Variants in HIRA observed in about 807,000 individuals in gnomAD.
HIRA encodes histone cell cycle regulator.
A neutral mutation model predicts 126.6 loss-of-function variants in HIRA; 13 were observed. That is an observed-to-expected ratio of 0.10 (90% CI 0.07 to 0.16). The LOEUF is 0.16. Ranked by LOEUF, HIRA falls within the 10% of genes least tolerant of loss-of-function variation. The probability of loss-of-function intolerance (pLI) is 1.00; values close to 1 mark genes in which losing one functional copy is unlikely to be tolerated. For missense variants in HIRA, 834 were observed against 1,314.4 expected (o/e 0.63, Z 5.65); for synonymous variants, 511 against 520.0 (o/e 0.98, Z 0.24).
At chr22:19,420,483 C>CAAAA (rs2089437430) in intron 1 of HIRA, among the ~76,000 whole-genome samples, 1 of 119,416 alleles carries the variant, frequency 8.4e-6, no homozygotes, top group Non-Finnish European at 1.7e-5. Flanking sequence ...AAAAAAAAAC[C>CAAAA]AAACCAAAAC....
intron 23 of HIRA, among the ~76,000 whole-genome samples, chr22:19,352,752 A>C (rs781841333): frequency 6.6e-6 from 1 of 152,224 alleles, no homozygotes; most frequent in Non-Finnish European, 1.5e-5. Flanking sequence ...GCACAGAGAG[A>C]GCTCTGGGAG....
At chr22:19,375,426 C>T (rs2089008702) in intron 15 of HIRA, among the ~76,000 whole-genome samples, 1 of 152,214 alleles carries the variant, frequency 6.6e-6, no homozygotes, top group Admixed American at 6.5e-5. Context: ...CCCATGACTC[C>T]TTCCAGCCAC....
At chr22:19,418,892 G>A (rs2089421225) in intron 1 of HIRA, among the ~76,000 whole-genome samples, 1 of 151,216 alleles carries the variant, frequency 6.6e-6, no homozygotes, top group African/African-American at 2.4e-5. Context: ...CATACAATTC[G>A]GTGTGAATCT....
At chr22:19,422,193 C>CACACACACACACACAT (rs147313860) in intron 1 of HIRA, among the ~76,000 whole-genome samples, 2 of 145,626 alleles carry the variant, frequency 1.4e-5, no homozygotes, top group South Asian at 2.1e-4. Flanking sequence ...CACACACACA[C>CACACACACACACACAT]ATACACATAT....
chr22:19,373,624 T>A (rs2088988318), intron 15 of HIRA, among the ~76,000 whole-genome samples: 1 of 152,216 alleles, frequency 6.6e-6, no homozygotes. Context: ...AGTATTAAAC[T>A]GGCCCTGAAT....
At chr22:19,373,640 T>C (rs573343468) in intron 15 of HIRA, among the ~76,000 whole-genome samples, 2 of 152,230 alleles carry the variant, frequency 1.3e-5, no homozygotes, top group Non-Finnish European at 2.9e-5. Flanking sequence ...TGAATCCACA[T>C]GAGGGCAGAC....
intron 5 of HIRA, among the ~76,000 whole-genome samples, chr22:19,400,561 T>C (rs956572567): frequency 2.0e-5 from 3 of 152,236 alleles, no homozygotes; most frequent in African/African-American, 7.2e-5. Context: ...TTAGAATCAC[T>C]GCTGAGTAAA....
chr22:19,353,912 T>C, intron 22 of HIRA, 84 bp downstream of exon 22: 1 of 1,507,520 alleles, frequency 6.6e-7, no homozygotes, highest in Non-Finnish European at 9.0e-7. Context: ...AGACCAGGCC[T>C]GGGCAGGGAC....
Position 19,372,091 on chromosome 22 carries a change from A to G in HIRA, c.1775+3540T>C, listed in dbSNP as rs117710089. 7.6e-3 allele frequency among the ~76,000 whole-genome samples: 1,154 copies of G among 152,328 alleles called. 27 individuals are homozygous for G. The highest frequency in any genetic ancestry group is 0.068 in the East Asian group (354 of 5,180). On this transcript the variant is annotated intron_variant, in intron 15 of 24. Coordinates refer to ENST00000263208, the MANE Select transcript of HIRA (RefSeq NM_003325.4). Reference sequence around the variant, plus strand: ...ACTTTACATTCCTACCAGCATGTATATGAGGGTTCCCTTTAGAGCTAATTT... The same window carrying G: ...ACTTTACATTCCTACCAGCATGTATGTGAGGGTTCCCTTTAGAGCTAATTT...
chr22:19,412,127 C>T (rs2089357971), intron 1 of HIRA, among the ~76,000 whole-genome samples: 1 of 152,158 alleles, frequency 6.6e-6, no homozygotes, highest in South Asian at 2.1e-4. Context: ...CAGGTGTAGG[C>T]CTTAAGAGTC....
chr22:19,410,664 A>G, intron 2 of HIRA, 52 bp downstream of exon 2: 3 of 1,340,252 alleles, frequency 2.2e-6, no homozygotes, highest in Non-Finnish European at 3.2e-6. Flanking sequence ...GCAGGAGAAG[A>G]GCAAGGTGGC....
In HIRA at chr22:19,380,812, C is replaced by T. The variant is rs543133009; in HGVS notation, c.1416-2746G>A. Among the ~76,000 whole-genome samples the T allele has an allele frequency of 8.5e-5, 13 of 152,182 alleles. No individual in the cohort carries two copies. The Middle Eastern group carries it at 0.01, about 119-fold the overall frequency. On this transcript the variant is annotated intron_variant, in intron 13 of 24. Coordinates refer to ENST00000263208, the MANE Select transcript of HIRA (RefSeq NM_003325.4). ...CTAATTTTTATATTTTTAGTAGGGA[C>T]GGGGTTTCACCATGTTGGCCAGGCT...
rs551130196 is a variant in HIRA at position 19,331,654 on chromosome 22, G to A, written c.2938-98C>T. The A allele has an allele frequency of 1.4e-3, 1,632 of 1,147,312 alleles. 2 individuals are homozygous for A. Among genetic ancestry groups the A allele is most frequent in the Non-Finnish European group, 1.9e-3 (1,530 of 804,104 alleles). 71.1% of individuals were successfully genotyped at this position (1,147,312 alleles called of 1,614,324 possible). On this transcript the variant is annotated intron_variant, in intron 24 of 24. Transcript: ENST00000263208. ...GGCAGAGAACCTTGTGTCTGCTCAC[G>A]GGAGAAGGAAAGAACAATTCCTCTG...
intron 1 of HIRA, among the ~76,000 whole-genome samples, chr22:19,428,817 T>C (rs1018711162): frequency 6.6e-6 from 1 of 152,094 alleles, no homozygotes; most frequent in African/African-American, 2.4e-5. Context: ...CTTCACAAAA[T>C]TGGAGACATG....
intron 1 of HIRA, among the ~76,000 whole-genome samples, chr22:19,430,890 C>T (rs1266997941): frequency 6.6e-6 from 1 of 152,230 alleles, no homozygotes; most frequent in Non-Finnish European, 1.5e-5. Context: ...CCTGATGTCC[C>T]AGCTCAGCAT....
chr22:19,406,836 C>T (rs375730120), intron 4 of HIRA, among the ~76,000 whole-genome samples: 3 of 152,238 alleles, frequency 2.0e-5, no homozygotes, highest in Non-Finnish European at 2.9e-5. Flanking sequence ...GCCCCAGATC[C>T]TGGGCAAGAA....
At chr22:19,409,087 G>A (rs5748185) in intron 2 of HIRA, among the ~76,000 whole-genome samples, 34 of 152,174 alleles carry the variant, frequency 2.2e-4, no homozygotes. Flanking sequence ...CTGGAATTTA[G>A]GCTGTTCCAG....
chr22:19,419,777 A>G (rs942124421), intron 1 of HIRA, among the ~76,000 whole-genome samples: 5 of 152,210 alleles, frequency 3.3e-5, no homozygotes, highest in African/African-American at 1.2e-4. Context: ...AAACACCTTC[A>G]GTATCACTGG....
At position 19,376,195 on chromosome 22, in the gene HIRA, C is replaced by T. The variant is rs560998401; in HGVS notation, c.1614-403G>A. Among the ~76,000 whole-genome samples the T allele has an allele frequency of 3.9e-5, 6 of 152,328 alleles. No individual in the cohort carries two copies. The East Asian group carries it at 1.2e-3, about 29-fold the overall frequency. ...ATGAGTCTCATGAGATAAGCCTGCA[C>T]CTGGGGTCCTGAAGCCATGGTCTGC... On this transcript the variant is annotated intron_variant, in intron 14 of 24. Coordinates refer to ENST00000263208, the MANE Select transcript of HIRA (RefSeq NM_003325.4).
Sources: gnomAD v4.1 joint callset for allele counts (sites outside exome capture counted in the v4.1 genomes callset) on GRCh38, gnomAD v4.1.1 for gene constraint, MANE v1.5 for transcripts, NCBI Gene and HGNC (gene_info 2026-07-23, HGNC 2026-07-21) for gene names.